Variants in EPHB2 observed in about 807,000 individuals in gnomAD.
The protein encoded by EPHB2 is ephrin type-B receptor 2.
EPHB2 carries 18 observed loss-of-function variants against 96.4 expected under a neutral mutation model. The ratio of observed to expected loss-of-function variants is 0.19; its 90% CI spans 0.13 to 0.28. The LOEUF (loss-of-function observed/expected upper bound fraction) is 0.28. EPHB2 is among the 10% of genes least tolerant of loss of function. The pLI is 1.00. For missense variants in EPHB2, 989 were observed against 1,355.4 expected (o/e 0.73, Z 4.25); for synonymous variants, 506 against 534.1 (o/e 0.95, Z 0.72).
Position 22,875,534 on chromosome 1 carries a change from A to C in EPHB2, c.1304-6825A>C, listed in dbSNP as rs1381059397. Among the ~76,000 whole-genome samples the C allele has an allele frequency of 2.6e-5, 4 of 152,192 alleles. No individual in the cohort carries two copies. The highest frequency in any genetic ancestry group is 5.9e-5 in the Non-Finnish European group (4 of 68,040). ...CCTTTGTTTTAGTGGCCAGCCCACAAGGTCGGTAGACTCGGGTTCCTGAGG... is the reference window on the plus strand; with the variant it reads ...CCTTTGTTTTAGTGGCCAGCCCACACGGTCGGTAGACTCGGGTTCCTGAGG... On this transcript the variant is annotated intron_variant, in intron 5 of 15. Coordinates refer to ENST00000374630, the MANE Select transcript of EPHB2 (RefSeq NM_017449.5). This position sits in a 1 kb window ranked among gnomAD's most constrained non-coding sequence, Gnocchi z 4.2.
chr1:22,894,211 G>A (rs1293383697), intron 7 of EPHB2, among the ~76,000 whole-genome samples: 3 of 152,154 alleles, frequency 2.0e-5, no homozygotes, highest in Admixed American at 2.0e-4. Flanking sequence ...TGTGGCTGAG[G>A]CCTTGCCACT....
intron 6 of EPHB2, chr1:22,882,867 G>A (rs751050028): frequency 2.2e-5 from 7 of 318,810 alleles, no homozygotes; most frequent in Non-Finnish European, 4.3e-5. Context: ...CCTCTTCTTC[G>A]ACAGAGATTT....
intron 1 of EPHB2, among the ~76,000 whole-genome samples, chr1:22,738,024 G>A (rs1192688208): frequency 6.6e-6 from 1 of 152,180 alleles, no homozygotes; most frequent in African/African-American, 2.4e-5. Flanking sequence ...AGGTCTTGGA[G>A]TTCATGCTCT....
intron 3 of EPHB2, among the ~76,000 whole-genome samples, chr1:22,859,735 G>A (rs1314424139): frequency 1.3e-5 from 2 of 152,062 alleles, no homozygotes; most frequent in East Asian, 3.9e-4. Context: ...GGAGGCTGCA[G>A]TGAGCCGAGA....
At chr1:22,887,816 A>C (rs1639272728) in intron 6 of EPHB2, among the ~76,000 whole-genome samples, 1 of 152,194 alleles carries the variant, frequency 6.6e-6, no homozygotes, top group Non-Finnish European at 1.5e-5. Flanking sequence ...TTTATTTAAC[A>C]GAAAATGAAG....
intron 3 of EPHB2, among the ~76,000 whole-genome samples, chr1:22,861,098 A>C (rs1382573746): frequency 6.6e-6 from 1 of 152,270 alleles, no homozygotes; most frequent in Non-Finnish European, 1.5e-5. Flanking sequence ...TAGTACTGCC[A>C]GGAACTGTTA....
rs557596545 is a variant in EPHB2 at position 22,919,428 on chromosome 1, C to G, written c.*5858C>G. The G allele has an allele frequency of 6.6e-6, 1 of 152,352 alleles. No homozygotes were observed. Among genetic ancestry groups the G allele is most frequent in the Non-Finnish European group, 1.5e-5 (1 of 68,130 alleles). 9.4% of individuals were successfully genotyped at this position (152,352 alleles called of 1,614,324 possible). On this transcript the variant is annotated 3_prime_UTR_variant, in exon 16 of 16. Coordinates refer to ENST00000374630, the MANE Select transcript of EPHB2 (RefSeq NM_017449.5). ...GGCTGCCTTGAGAAAGCTGATATAA[C>G]AAGAAGCAGCAGAAATTTAATACTT... is the stretch of plus-strand genomic sequence containing the variant.
intron 8 of EPHB2, 86 bp from the exon 9 acceptor site, chr1:22,896,328 G>A: frequency 1.9e-6 from 3 of 1,578,812 alleles, no homozygotes; most frequent in Non-Finnish European, 2.6e-6. Context: ...TCTAGGGCCT[G>A]CCCACCCTCT....
At chr1:22,777,141 G>A (rs1045928103) in intron 1 of EPHB2, among the ~76,000 whole-genome samples, 1 of 152,238 alleles carries the variant, frequency 6.6e-6, no homozygotes, top group Non-Finnish European at 1.5e-5. Flanking sequence ...AGAAGATGTA[G>A]AGGTGAGAAG....
Position 22,915,487 on chromosome 1 carries a change from C to T in EPHB2, c.*1917C>T, listed in dbSNP as rs146240069. On this transcript the variant is annotated 3_prime_UTR_variant, in exon 16 of 16. Coordinates refer to ENST00000374630, the MANE Select transcript of EPHB2 (RefSeq NM_017449.5). Reference sequence around the variant, plus strand: ...CATGGAGAACGACAGCTCCACGTGGCCTTTCTGGCCCTGGCTTGTCAAAAG... The same window carrying T: ...CATGGAGAACGACAGCTCCACGTGGTCTTTCTGGCCCTGGCTTGTCAAAAG... The T allele has an allele frequency of 6.6e-6, 1 of 152,156 alleles. No homozygotes were observed. The highest frequency in any genetic ancestry group is 1.5e-5 in the Non-Finnish European group (1 of 68,038). 9.4% of individuals were successfully genotyped at this position (152,156 alleles called of 1,614,324 possible). A position where few individuals can be genotyped will look rare whatever the true frequency, so the allele number is the denominator to read the frequency against.
chr1:22,840,007 G>A (rs1042070633), intron 3 of EPHB2, among the ~76,000 whole-genome samples: 5 of 152,198 alleles, frequency 3.3e-5, no homozygotes, highest in South Asian at 4.1e-4. Context: ...GGACTTGAAC[G>A]TAGCCCTGGC....
intron 6 of EPHB2, among the ~76,000 whole-genome samples, chr1:22,889,468 A>G (rs1374957593): frequency 6.6e-6 from 1 of 152,172 alleles, no homozygotes; most frequent in East Asian, 1.9e-4. Context: ...ATACCAGTTT[A>G]ATGTTCATTC....
rs529331407 is a variant in EPHB2, at chr1:22,897,799, T to A, written c.1765+1321T>A. On this transcript the variant is annotated intron_variant, in intron 9 of 15. Coordinates refer to ENST00000374630, the MANE Select transcript of EPHB2 (RefSeq NM_017449.5). ...AAGACTCTGTCTCAAAATAAAAAAATAAATAAATAAACATATAAGGCCAGG... is the reference window on the plus strand; with the variant it reads ...AAGACTCTGTCTCAAAATAAAAAAAAAAATAAATAAACATATAAGGCCAGG... Among the ~76,000 whole-genome samples the A allele has an allele frequency of 1.3e-3, 170 of 132,210 alleles. 1 individual carries two copies. The highest frequency in any genetic ancestry group is 0.011 in the South Asian group (46 of 4,200). 86.7% of individuals were successfully genotyped at this position (132,210 alleles called of 152,430 possible). A position where few individuals can be genotyped will look rare whatever the true frequency, so the allele number is the denominator to read the frequency against.
chr1:22,772,817 T>C (rs1040992367), intron 1 of EPHB2, among the ~76,000 whole-genome samples: 4 of 152,202 alleles, frequency 2.6e-5, no homozygotes, highest in Admixed American at 2.6e-4. Context: ...GCAGAGGGTT[T>C]AGCTCAGAGC....
chr1:22,723,973 T>G (rs1308006733), intron 1 of EPHB2, among the ~76,000 whole-genome samples: 2 of 152,170 alleles, frequency 1.3e-5, no homozygotes, highest in African/African-American at 4.8e-5. Context: ...GATGAAAAAA[T>G]TAAGGCTTAG....
intron 15 of EPHB2, chr1:22,912,940 A>C: frequency 2.7e-6 from 1 of 377,020 alleles, no homozygotes; most frequent in Non-Finnish European, 5.1e-6. Context: ...CATGCCTGTA[A>C]TCTTAGTACA....
Position 22,913,955 on chromosome 1 carries a change from C to G in EPHB2, c.*385C>G. ...AACTCCCTCTGGGAAGGTGACCTGG[C>G]CAGAGCCAAGAAACACTTTCAGAAA... On this transcript the variant is annotated 3_prime_UTR_variant, in exon 16 of 16. Coordinates refer to ENST00000374630, the MANE Select transcript of EPHB2 (RefSeq NM_017449.5). This position sits in a 1 kb window ranked among gnomAD's most constrained non-coding sequence, Gnocchi z 4.1. The G allele has an allele frequency of 6.9e-7, 1 of 1,453,800 alleles. No homozygotes were observed. The highest frequency in any genetic ancestry group is 1.5e-5 in the South Asian group (1 of 67,014). The allele number at this position is 1,453,800 out of a possible 1,614,324, so 90.1% of individuals were successfully genotyped here.
intron 3 of EPHB2, among the ~76,000 whole-genome samples, chr1:22,818,328 A>G (rs2582024): frequency 1 from 151,806 of 152,140 alleles, 75,739 homozygotes; most frequent in Middle Eastern, 1. Context: ...TTTCTCTCCT[A>G]AATATCCCTG....
chr1:22,722,095 G>C (rs1385810541), intron 1 of EPHB2, among the ~76,000 whole-genome samples: 11 of 152,074 alleles, frequency 7.2e-5, no homozygotes, highest in Non-Finnish European at 1.5e-4. Flanking sequence ...CTACAATCAT[G>C]TGCCACCACG....
Sources: allele counts gnomAD v4.1 joint callset (sites outside exome capture counted in the v4.1 genomes callset), GRCh38; gene constraint gnomAD v4.1.1; non-coding constraint Gnocchi (gnomAD v3.1); transcripts MANE v1.5; gene names NCBI Gene and HGNC (gene_info 2026-07-23, HGNC 2026-07-21).